The following SIM1 variants were observed in gnomAD, a reference collection of about 807,000 sequenced individuals.
SIM1 encodes the protein SIM bHLH transcription factor 1, also known as single-minded homolog 1.
SIM1 carries 18 observed loss-of-function variants against 78.2 expected under a neutral mutation model. That is an observed-to-expected ratio of 0.23 (90% confidence interval 0.16 to 0.34). The LOEUF is 0.34. Among genes scored for constraint, SIM1 ranks in the 10% least tolerant of loss-of-function variants. The pLI is 1.00. For synonymous variants in SIM1, 417 were observed against 385.2 expected, an observed-to-expected ratio of 1.08 and a Z score of -0.97; for missense variants, 939 against 975.1, an observed-to-expected ratio of 0.96 and a Z score of 0.49.
Position 100,390,383 on chromosome 6 carries a change from A to G in SIM1, c.2279T>C (p.Val760Ala). ...ACATCAGCTTCCGTTGGTTATTATAACAGATGTTCCCTTGTGTCCTTGTGC... is the reference window on the plus strand; with the variant it reads ...ACATCAGCTTCCGTTGGTTATTATAGCAGATGTTCCCTTGTGTCCTTGTGC... ...DPAQGHKGTS[V>A]IITNGS Residue 760 changes from valine (V) to alanine (A), a missense_variant, in exon 12 of 12, where the codon GTT becomes GCT. Transcript: ENST00000369208. The G allele has an allele frequency of 6.2e-7, 1 of 1,613,508 alleles. No homozygotes were observed. The highest frequency in any genetic ancestry group is 1.3e-5 in the African/African-American group (1 of 75,020).
rs199641634 is a variant in SIM1 at position 100,390,869 on chromosome 6, G to C, written c.1793C>G (p.Ala598Gly). The change falls in exon 12 of 12, where the codon GCT becomes GGT. Residue 598 changes from alanine to glycine, a missense_variant. By Grantham distance (60) the Ala-to-Gly change is moderately conservative. Around this residue, in one of 5 missense-constraint regions of SIM1, gnomAD observed 556 missense variants for 521.9 expected, o/e 1.07. Coordinates refer to ENST00000369208, the MANE Select transcript of SIM1 (RefSeq NM_005068.3). The part of the protein sequence containing the change: ...PSDQLASING[A>G]GKKHSLCFAN... The stretch of plus-strand genomic sequence containing the variant: ...AAAACACAGGGAGTGTTTTTTCCCA[G>C]CCCCATTAATGGAAGCCAGTTGGTC... 110 of 1,614,144 alleles carry C rather than the reference G, an allele frequency of 6.8e-5. No homozygotes were observed. In the East Asian group the frequency reaches 2.3e-3, roughly 34 times the overall value.
In SIM1 at chr6:100,390,825, G is replaced by C. The variant is rs1582598512; in HGVS notation, c.1837C>G (p.Pro613Ala). The C allele has an allele frequency of 1.2e-6, 2 of 1,614,170 alleles. No homozygotes were observed. The highest frequency in any genetic ancestry group is 4.5e-5 in the East Asian group (2 of 44,880). Residue 613 changes from proline to alanine, a missense_variant, in exon 12 of 12, where the codon CCA becomes GCA. This residue lies in a region of SIM1 where 556 missense variants were observed against 521.9 expected (regional missense o/e 1.07). Transcript: ENST00000369208. ...SLCFANYQQP[P>A]PTGEVCHGSA... ...CCATGGCAGACTTCACCTGTTGGTG[G>C]GGGCTGTTGGTAGTTTGCAAAACAC...
At chr6:100,438,248 C>T (rs1450584772) in intron 9 of SIM1, among the ~76,000 whole-genome samples, 2 of 152,112 alleles carry the variant, frequency 1.3e-5, no homozygotes, top group Non-Finnish European at 2.9e-5. Context: ...TTTCAAGGAT[C>T]TCCAACAAAT....
At chr6:100,451,084 A>T (rs1772502597) in intron 3 of SIM1, among the ~76,000 whole-genome samples, 2 of 152,342 alleles carry the variant, frequency 1.3e-5, no homozygotes, top group South Asian at 4.1e-4. Context: ...CAGAGACAAG[A>T]GGAGTCAGAC....
In SIM1 at chr6:100,388,616, T is replaced by C. The variant is rs534568914; in HGVS notation, c.*1745A>G. 8 of 152,296 alleles carry C rather than the reference T, an allele frequency of 5.3e-5. No homozygotes were observed. In the South Asian group the frequency reaches 1.4e-3, roughly 28 times the overall value. 9.4% of individuals were successfully genotyped at this position (152,296 alleles called of 1,614,324 possible). A position where few individuals can be genotyped will look rare whatever the true frequency, so the allele number is the denominator to read the frequency against. Reference sequence around the variant, plus strand: ...TGGACTGTGAAATAACTGTGTTAAATGATGAAAATATACTACTAATCCCTG... The same window carrying C: ...TGGACTGTGAAATAACTGTGTTAAACGATGAAAATATACTACTAATCCCTG... On this transcript the variant is annotated 3_prime_UTR_variant, in exon 12 of 12. Coordinates refer to ENST00000369208, the MANE Select transcript of SIM1 (RefSeq NM_005068.3).
At chr6:100,398,664 T>C (rs1770828571) in intron 10 of SIM1, among the ~76,000 whole-genome samples, 2 of 152,110 alleles carry the variant, frequency 1.3e-5, no homozygotes, top group African/African-American at 4.8e-5. Flanking sequence ...GATTTGTTTA[T>C]CCATTCACCC....
At chr6:100,452,116 G>A (rs918845545) in intron 3 of SIM1, among the ~76,000 whole-genome samples, 9 of 152,162 alleles carry the variant, frequency 5.9e-5, no homozygotes, top group Admixed American at 3.3e-4. Flanking sequence ...AGAGAGAGAA[G>A]AATCTGGGAA....
chr6:100,397,873 T>C (rs939688498), intron 10 of SIM1, among the ~76,000 whole-genome samples: 2 of 152,078 alleles, frequency 1.3e-5, no homozygotes, highest in African/African-American at 4.8e-5. Flanking sequence ...GGCACTTCAC[T>C]GGGCAGGATA....
intron 9 of SIM1, among the ~76,000 whole-genome samples, chr6:100,441,952 C>T (rs1403688864): frequency 6.6e-6 from 1 of 152,202 alleles, no homozygotes; most frequent in African/African-American, 2.4e-5. Flanking sequence ...CTTCCACTTC[C>T]ACCCCTATAC....
intron 4 of SIM1, 76 bp downstream of exon 4, chr6:100,450,191 C>A (rs1772472188): frequency 2.4e-6 from 3 of 1,270,264 alleles, no homozygotes; most frequent in Middle Eastern, 2.2e-4. Context: ...CACCCAGCCC[C>A]CAACCCAGCC....
chr6:100,417,845 T>C (rs996829171), intron 10 of SIM1, among the ~76,000 whole-genome samples: 9 of 152,222 alleles, frequency 5.9e-5, no homozygotes, highest in Non-Finnish European at 1.0e-4. Flanking sequence ...ACCATGATTA[T>C]CTAAACACAA....
chr6:100,415,903 T>A (rs1379498861), intron 10 of SIM1, among the ~76,000 whole-genome samples: 1 of 152,110 alleles, frequency 6.6e-6, no homozygotes, highest in Non-Finnish European at 1.5e-5. Flanking sequence ...TTTACCCTCA[T>A]ACAATGGGCC....
At chr6:100,447,738 G>A (rs976935869) in intron 8 of SIM1, among the ~76,000 whole-genome samples, 1 of 152,226 alleles carries the variant, frequency 6.6e-6, no homozygotes, top group Non-Finnish European at 1.5e-5. Context: ...GGGCAGCTGA[G>A]CTCCGGCGCT....
intron 9 of SIM1, among the ~76,000 whole-genome samples, chr6:100,445,638 G>T (rs535020936): frequency 7.9e-5 from 12 of 152,082 alleles, no homozygotes; most frequent in Non-Finnish European, 1.3e-4. Flanking sequence ...GGTCTAACTT[G>T]CATTTGGATC....
In SIM1 at chr6:100,412,555, A is replaced by AAAGAAAGAAAGAAAGAAAGAAAGAAAG. The variant is rs1281547759; in HGVS notation, c.1167+8234_1167+8235insCTTTCTTTCTTTCTTTCTTTCTTTCTT. 2.5e-4 allele frequency among the ~76,000 whole-genome samples: 16 copies of AAAGAAAGAAAGAAAGAAAGAAAGAAAG among 64,440 alleles called. 2 individuals carry two copies. Among genetic ancestry groups the AAAGAAAGAAAGAAAGAAAGAAAGAAAG allele is most frequent in the Non-Finnish European group, 3.4e-4 (12 of 34,794 alleles). 42.3% of individuals were successfully genotyped at this position (64,440 alleles called of 152,430 possible). On this transcript the variant is annotated intron_variant, in intron 10 of 11. Transcript: ENST00000369208. ...CTGTCTAAGAAAGAAAGAAAGAAAG[A>AAAGAAAGAAAGAAAGAAAGAAAGAAAG]AAAGAAAGAAAGAAAGAAAGAAAGA...
intron 10 of SIM1, among the ~76,000 whole-genome samples, chr6:100,419,064 G>A (rs1168299625): frequency 6.6e-6 from 1 of 152,082 alleles, no homozygotes; most frequent in South Asian, 2.1e-4. Context: ...TACTCAGGAA[G>A]CTAAGGCAGG....
At chr6:100,454,570 C>T (rs1243950707) in intron 2 of SIM1, among the ~76,000 whole-genome samples, 9 of 152,076 alleles carry the variant, frequency 5.9e-5, no homozygotes, top group South Asian at 2.1e-4. Context: ...ACTTTGGGTG[C>T]TAACAATCTT....
rs898769644 is a variant in SIM1, at chr6:100,463,729, T to C, written c.-261A>G. On this transcript the variant is annotated 5_prime_UTR_variant, in exon 2 of 12. Coordinates refer to ENST00000369208, the MANE Select transcript of SIM1 (RefSeq NM_005068.3). ...ACCGAATTTGGGCGATCCACCGAAT[T>C]TGGGCAATCCTGAGGGTCGTTCAGG... 2 of 348,440 alleles carry C rather than the reference T, an allele frequency of 5.7e-6. No homozygotes were observed. The highest frequency in any genetic ancestry group is 7.1e-5 in the South Asian group (1 of 14,032). The allele number at this position is 348,440 out of a possible 1,614,324, so 21.6% of individuals were successfully genotyped here.
intron 10 of SIM1, among the ~76,000 whole-genome samples, chr6:100,399,199 C>T (rs1183140213): frequency 6.6e-6 from 1 of 151,956 alleles, no homozygotes; most frequent in Non-Finnish European, 1.5e-5. Context: ...CTGGAAACAA[C>T]TCAGATTTCC....
Sources: allele counts gnomAD v4.1 joint callset (sites outside exome capture counted in the v4.1 genomes callset), GRCh38; gene constraint gnomAD v4.1.1; regional missense constraint gnomAD v4.1.1; transcripts MANE v1.5; gene names NCBI Gene and HGNC (gene_info 2026-07-23, HGNC 2026-07-21).